The following COL11A1 variants were observed in gnomAD, a reference collection of about 807,000 sequenced individuals.
COL11A1 encodes collagen type XI alpha 1 chain.
Under a neutral mutation model 265.2 loss-of-function variants are expected in COL11A1, and 74 were observed. The observed-to-expected ratio is 0.28, with a 90% CI of 0.23 to 0.34. The LOEUF is 0.34. Ranked by LOEUF, COL11A1 falls within the 10% of genes least tolerant of loss-of-function variation. COL11A1 has a pLI of 1.00. For missense variants in COL11A1, 2,165 were observed against 2,263.6 expected (o/e 0.96, Z 0.88); for synonymous variants, 816 against 727.6 (o/e 1.12, Z -1.96).
chr1:103,000,368 C>T (rs1459683901), intron 24 of COL11A1, among the ~76,000 whole-genome samples: 3 of 151,786 alleles, frequency 2.0e-5, no homozygotes, highest in Non-Finnish European at 4.4e-5. Flanking sequence ...AAAGTACTTT[C>T]AAAACCACTT....
At chr1:102,954,736 C>T (rs555889773) in intron 41 of COL11A1, among the ~76,000 whole-genome samples, 4 of 151,848 alleles carry the variant, frequency 2.6e-5, no homozygotes, top group East Asian at 1.9e-4. Flanking sequence ...CCCAGCTACT[C>T]GGGAGGCTGA....
chr1:102,945,388 C>T (rs3102057), intron 42 of COL11A1, among the ~76,000 whole-genome samples: 137,558 of 151,864 alleles, frequency 0.91, 63,210 homozygotes, highest in East Asian at 1. Flanking sequence ...GCACCATGAG[C>T]CAATATATTT....
In COL11A1 at chr1:102,932,460, C is replaced by T. The variant is rs533120975; in HGVS notation, c.3600+1989G>A. Among the ~76,000 whole-genome samples, 36 of 152,242 alleles carry T rather than the reference C, an allele frequency of 2.4e-4. No individual in the cohort carries two copies. In the East Asian group the frequency reaches 5.2e-3, roughly 22 times the overall value. On this transcript the variant is annotated intron_variant, in intron 46 of 66. Coordinates refer to ENST00000370096, the MANE Select transcript of COL11A1 (RefSeq NM_001854.4). ...CTTGTAGGGCTTCTGCCGAGAGATCCGCTGTTAGTCTGATGGGCTTCCCTT... is the reference window on the plus strand; with the variant it reads ...CTTGTAGGGCTTCTGCCGAGAGATCTGCTGTTAGTCTGATGGGCTTCCCTT...
At position 102,914,825 on chromosome 1, in the gene COL11A1, A is replaced by AC; in HGVS notation, c.3817-15_3817-14insG. ...TCCTTTGGGACCCTAAACAATGTTA[A>AC]AAAAAAAAAAAGAAGAAGAAGGAAA... On this transcript the variant is annotated splice_polypyrimidine_tract_variant and intron_variant, in intron 50 of 66. Coordinates refer to ENST00000370096, the MANE Select transcript of COL11A1 (RefSeq NM_001854.4). 1 of 1,465,466 alleles carries AC rather than the reference A, an allele frequency of 6.8e-7. No individual in the cohort carries two copies. Among genetic ancestry groups the AC allele is most frequent in the Non-Finnish European group, 9.2e-7 (1 of 1,085,644 alleles). The allele number at this position is 1,465,466 out of a possible 1,614,324, so 90.8% of individuals were successfully genotyped here.
chr1:102,885,933 T>C (rs1650913833), intron 63 of COL11A1, among the ~76,000 whole-genome samples: 1 of 152,170 alleles, frequency 6.6e-6, no homozygotes, highest in African/African-American at 2.4e-5. Context: ...AAGAAGATTT[T>C]TGTGACATCC....
intron 46 of COL11A1, among the ~76,000 whole-genome samples, chr1:102,929,088 T>G (rs1012384711): frequency 5.5e-5 from 8 of 146,748 alleles, no homozygotes; most frequent in Non-Finnish European, 1.2e-4. Flanking sequence ...AGAAGCTCTT[T>G]AGTTTAATTA....
intron 9 of COL11A1, among the ~76,000 whole-genome samples, chr1:103,020,095 T>C (rs1398588840): frequency 6.6e-6 from 1 of 151,722 alleles, no homozygotes; most frequent in Non-Finnish European, 1.5e-5. Context: ...GTCCTTTGGG[T>C]ATATACTCAG....
intron 1 of COL11A1, among the ~76,000 whole-genome samples, chr1:103,086,025 G>C (rs1033023268): frequency 2.0e-5 from 3 of 152,010 alleles, no homozygotes; most frequent in African/African-American, 7.3e-5. Flanking sequence ...CACTCACCCT[G>C]CTATACCCCA....
intron 31 of COL11A1, 118 bp from the exon 32 acceptor site, chr1:102,979,553 T>C (rs1306892975): frequency 1.3e-6 from 1 of 756,862 alleles, no homozygotes; most frequent in Non-Finnish European, 2.4e-6. Context: ...AAATCAAATA[T>C]AGAAATTTTA....
At chr1:102,917,844 G>A (rs1360332847) in intron 49 of COL11A1, among the ~76,000 whole-genome samples, 1 of 151,500 alleles carries the variant, frequency 6.6e-6, no homozygotes, top group Non-Finnish European at 1.5e-5. Flanking sequence ...AAAAAAGTAT[G>A]AGCTTTTTAC....
At chr1:103,078,962 T>C in intron 2 of COL11A1, 91 bp from the exon 3 acceptor site, 1 of 870,724 alleles carries the variant, frequency 1.1e-6, no homozygotes. Context: ...AATTTCTACA[T>C]GGCCTTTATA....
chr1:102,998,420 G>T lies in COL11A1; in HGVS notation c.2143-57C>A, dbSNP rs2622870. ...AAAAATAATTTTAAAAAGCTTTAAC[G>T]TGTACATATACTATGAATGAAATTC... On this transcript the variant is annotated intron_variant, in intron 24 of 66. Transcript: ENST00000370096. The T allele has an allele frequency of 0.92, 1,182,972 of 1,280,724 alleles. 548,919 individuals carry two copies. The highest frequency in any genetic ancestry group is 0.94 in the East Asian group (36,602 of 38,880). The allele number at this position is 1,280,724 out of a possible 1,614,324, so 79.3% of individuals were successfully genotyped here.
At position 103,022,995 on chromosome 1, in the gene COL11A1, G is replaced by A. The variant is rs148978696; in HGVS notation, c.992C>T (p.Pro331Leu). The A allele has an allele frequency of 7.4e-6, 12 of 1,611,630 alleles. No homozygotes were observed. The African/African-American group carries it at 1.3e-4, about 18-fold the overall frequency. ...APRHVSGTNE[P>L]NPVEEIFTEE... The stretch of plus-strand genomic sequence containing the variant: ...AGTAAATATTTCTTCAACTGGATTT[G>A]GCTATTAATTTAAATTGCAAGGAAT... The change falls in exon 8 of 67, where the codon CCA becomes CTA. Residue 331 changes from proline (P) to leucine (L), a missense_variant and splice_region_variant. Pro to Leu is a moderately conservative substitution (Grantham distance 98). Transcript: ENST00000370096.
chr1:103,082,892 T>C lies in COL11A1; in HGVS notation c.187A>G (p.Asn63Asp). Reference protein sequence around the residue: ...GISKTTGFCTNRKNSKGSDTA... With the variant: ...GISKTTGFCTDRKNSKGSDTA... The stretch of plus-strand genomic sequence containing the variant: ...TCTGAGCCTTTAGAATTCTTTCTGT[T>C]TGTGCAAAATCCCGTTGTTTTTGAT... Residue 63 changes from asparagine to aspartate, a missense_variant, in exon 2 of 67, where the codon AAC becomes GAC. Asn to Asp is a conservative substitution (Grantham distance 23). Transcript: ENST00000370096. 6.2e-7 allele frequency: 1 copy of C among 1,613,770 alleles called. No individual in the cohort carries two copies. Among genetic ancestry groups the C allele is most frequent in the Non-Finnish European group, 8.5e-7 (1 of 1,179,774 alleles).
At chr1:102,934,054 G>C (rs201404412) in intron 46 of COL11A1, among the ~76,000 whole-genome samples, 13 of 152,128 alleles carry the variant, frequency 8.5e-5, no homozygotes, top group African/African-American at 2.7e-4. Context: ...TGTATTCTGC[G>C]TCGCTCACGC....
At chr1:103,106,339 C>A (rs1674688541) in intron 1 of COL11A1, among the ~76,000 whole-genome samples, 1 of 152,122 alleles carries the variant, frequency 6.6e-6, no homozygotes, top group Non-Finnish European at 1.5e-5. Flanking sequence ...AAATAGCTGC[C>A]ATTACAATAT....
At chr1:102,993,272 T>G (rs1313144963) in intron 28 of COL11A1, among the ~76,000 whole-genome samples, 1 of 152,146 alleles carries the variant, frequency 6.6e-6, no homozygotes, top group Non-Finnish European at 1.5e-5. Context: ...GACTCACCAC[T>G]GTGCTCCTTT....
At chr1:103,104,275 A>G (rs181685892) in intron 1 of COL11A1, among the ~76,000 whole-genome samples, 36 of 152,218 alleles carry the variant, frequency 2.4e-4, no homozygotes, top group Non-Finnish European at 4.4e-4. Flanking sequence ...CCTAGGAAAA[A>G]GCAAATTTTT....
At chr1:103,026,144 A>G in intron 6 of COL11A1, 72 bp downstream of exon 6, 1 of 1,238,156 alleles carries the variant, frequency 8.1e-7, no homozygotes, top group Non-Finnish European at 1.2e-6. Context: ...AGTTTGAGGA[A>G]CAGTCAACAT....
Sources: allele counts gnomAD v4.1 joint callset (sites outside exome capture counted in the v4.1 genomes callset), GRCh38; gene constraint gnomAD v4.1.1; transcripts MANE v1.5; gene names NCBI Gene and HGNC (gene_info 2026-07-23, HGNC 2026-07-21).